Variants in MAP2K3 observed in about 807,000 individuals in gnomAD.
The protein encoded by MAP2K3 is dual specificity mitogen-activated protein kinase kinase 3.
In MAP2K3, 30 loss-of-function variants were observed where a neutral mutation model predicts 46.4. The observed-to-expected ratio is 0.65, with a 90% CI of 0.48 to 0.88. MAP2K3 has a LOEUF of 0.88. Ranked by LOEUF, MAP2K3 falls within the 40% of genes least tolerant of loss-of-function variation. MAP2K3 has a pLI of 0.00. For missense variants in MAP2K3, 380 were observed against 464.5 expected (o/e 0.82, Z 1.67); for synonymous variants, 189 against 176.3 (o/e 1.07, Z -0.57).
chr17:21,299,621 G>A (rs986225131), intron 3 of MAP2K3, among the ~76,000 whole-genome samples: 4 of 152,158 alleles, frequency 2.6e-5, no homozygotes, highest in African/African-American at 9.7e-5. Context: ...GGTGGATGTT[G>A]CAGTGAGCCA....
intron 1 of MAP2K3, among the ~76,000 whole-genome samples, chr17:21,293,629 G>A (rs1976072671): frequency 6.6e-6 from 1 of 152,308 alleles, no homozygotes; most frequent in South Asian, 2.1e-4. Context: ...AGGTGGGGAG[G>A]GTGTGAGGCC....
intron 1 of MAP2K3, chr17:21,291,552 G>A (rs1358078577): frequency 6.6e-6 from 3 of 456,434 alleles, no homozygotes; most frequent in South Asian, 3.1e-5. Flanking sequence ...TGCAAGGAAT[G>A]TCCCATTCTT....
At chr17:21,295,408 C>T (rs946859477) in intron 1 of MAP2K3, among the ~76,000 whole-genome samples, 13 of 152,300 alleles carry the variant, frequency 8.5e-5, no homozygotes, top group Admixed American at 5.9e-4. Context: ...CAGGACACCC[C>T]GTGCTGAGAG....
At chr17:21,291,356 C>CACAACACAACACAACACA in intron 1 of MAP2K3, 1 of 52,930 alleles carries the variant, frequency 1.9e-5, no homozygotes, top group African/African-American at 4.4e-4. Context: ...TACAACACAA[C>CACAACACAACACAACACA]ACAACACAAC....
At chr17:21,297,356 C>A (rs5026946) in intron 1 of MAP2K3, among the ~76,000 whole-genome samples, 1 of 152,310 alleles carries the variant, frequency 6.6e-6, no homozygotes, top group Non-Finnish European at 1.5e-5. Context: ...CAGGGAGTGG[C>A]GGGTGGTGGG....
intron 1 of MAP2K3, chr17:21,295,937 G>T: frequency 8.0e-7 from 1 of 1,245,224 alleles, no homozygotes; most frequent in Non-Finnish European, 1.0e-6. Flanking sequence ...AAGGGGCTGG[G>T]GGCAAGGTCA....
intron 9 of MAP2K3, among the ~76,000 whole-genome samples, chr17:21,310,544 A>G (rs1977115145): frequency 6.6e-6 from 1 of 152,324 alleles, no homozygotes; most frequent in East Asian, 1.9e-4. Flanking sequence ...AGGGCCCCAG[A>G]GCTCTCTTGG....
intron 11 of MAP2K3, chr17:21,313,911 C>T (rs1480857399): frequency 5.8e-5 from 34 of 588,708 alleles, no homozygotes; most frequent in Middle Eastern, 4.1e-4. Context: ...AGAGGCCTGA[C>T]GTGTGGGGGG....
At chr17:21,313,416 G>A (rs1162932751) in intron 10 of MAP2K3, 76 bp from the exon 11 acceptor site, 6 of 1,249,346 alleles carry the variant, frequency 4.8e-6, no homozygotes, top group South Asian at 1.2e-5. Flanking sequence ...GGGCAATCCT[G>A]GGGTGGTTTG....
At chr17:21,285,136 G>A in intron 1 of MAP2K3, 167 bp downstream of exon 1, 1 of 853,076 alleles carries the variant, frequency 1.2e-6, no homozygotes, top group Non-Finnish European at 1.4e-6. Flanking sequence ...CCCCCGCCTG[G>A]GCCCTCACCT....
At chr17:21,297,624 C>T (rs937054606) in intron 1 of MAP2K3, among the ~76,000 whole-genome samples, 1 of 152,306 alleles carries the variant, frequency 6.6e-6, no homozygotes, top group Non-Finnish European at 1.5e-5. Context: ...ATGCCAGCCC[C>T]ACTGTGCCTG....
At chr17:21,297,282 A>G (rs1183517967) in intron 1 of MAP2K3, among the ~76,000 whole-genome samples, 1 of 152,312 alleles carries the variant, frequency 6.6e-6, no homozygotes, top group Non-Finnish European at 1.5e-5. Flanking sequence ...TCTTCTTGGC[A>G]GGCGGCAGCA....
chr17:21,311,202 A>C (rs954032948), intron 9 of MAP2K3, among the ~76,000 whole-genome samples: 4 of 152,158 alleles, frequency 2.6e-5, no homozygotes, highest in African/African-American at 9.7e-5. Context: ...GTTTGTGCTG[A>C]GGTCTCTTCC....
At chr17:21,291,676 C>T (rs1210781881) in intron 1 of MAP2K3, 1 of 438,418 alleles carries the variant, frequency 2.3e-6, no homozygotes, top group Non-Finnish European at 4.6e-6. Context: ...GCCAGAGTCC[C>T]ACCGATCTGA....
chr17:21,303,297 G>T, intron 7 of MAP2K3, 63 bp downstream of exon 7: 1 of 1,609,252 alleles, frequency 6.2e-7, no homozygotes, highest in East Asian at 2.2e-5. Flanking sequence ...GGCCAAGGCG[G>T]GTGGACGTCT....
intron 2 of MAP2K3, 133 bp from the exon 3 acceptor site, chr17:21,298,745 G>C: frequency 7.5e-7 from 1 of 1,337,500 alleles, no homozygotes; most frequent in Admixed American, 1.9e-5. Context: ...GTGAGAGGAG[G>C]TGGCCGGAGA....
chr17:21,306,806 G>C (rs1179086894), intron 9 of MAP2K3, among the ~76,000 whole-genome samples: 1 of 152,296 alleles, frequency 6.6e-6, no homozygotes, highest in Non-Finnish European at 1.5e-5. Context: ...TTTTTTGTGA[G>C]AGAGGGTCTC....
At chr17:21,295,226 T>A (rs2060913770) in intron 1 of MAP2K3, among the ~76,000 whole-genome samples, 1 of 152,296 alleles carries the variant, frequency 6.6e-6, no homozygotes, top group African/African-American at 2.4e-5. Flanking sequence ...TGGGGGTGAG[T>A]GGGAGGAGAT....
chr17:21,307,300 G>A (rs2144634343), intron 9 of MAP2K3, among the ~76,000 whole-genome samples: 1 of 152,422 alleles, frequency 6.6e-6, no homozygotes, highest in Non-Finnish European at 1.5e-5. Context: ...GAAATTCCAA[G>A]GGTTTTAGGA....
Sources: gnomAD v4.1 joint callset for allele counts (sites outside exome capture counted in the v4.1 genomes callset) on GRCh38, gnomAD v4.1.1 for gene constraint, MANE v1.5 for transcripts, NCBI Gene and HGNC (gene_info 2026-07-23, HGNC 2026-07-21) for gene names.